The following GTF3C1 variants were observed in gnomAD, a reference collection of about 807,000 sequenced individuals.
GTF3C1 encodes the protein general transcription factor IIIC subunit 1.
A neutral mutation model predicts 226.7 loss-of-function variants in GTF3C1; 57 were observed. That is an observed-to-expected ratio of 0.25 (90% CI 0.20 to 0.31). GTF3C1 has a LOEUF of 0.31. GTF3C1 is among the 10% of genes least tolerant of loss of function. The pLI is 1.00. For missense variants in GTF3C1, 2,217 were observed against 2,776.1 expected (o/e 0.80, Z 4.53); for synonymous variants, 1,090 against 1,084.8 (o/e 1.00, Z -0.09).
chr16:27,461,831 G>A lies in GTF3C1; in HGVS notation c.6118-269C>T, dbSNP rs1042005994. ...CATTTGTGGAGGAGAGGCCTGCAGC[G>A]CGGGATAAATCCCAGCTTCCTGTGA... On this transcript the variant is annotated intron_variant, in intron 36 of 36. Transcript: ENST00000356183. This position sits in a 1 kb window ranked among gnomAD's most constrained non-coding sequence, Gnocchi z 5.3. The A allele has an allele frequency of 4.5e-5, 22 of 487,320 alleles. No homozygotes were observed. Among genetic ancestry groups the A allele is most frequent in the African/African-American group, 2.7e-4 (14 of 52,426 alleles). The allele number at this position is 487,320 out of a possible 1,614,324, so 30.2% of individuals were successfully genotyped here.
chr16:27,512,698 G>T (rs144221130), intron 6 of GTF3C1, among the ~76,000 whole-genome samples: 2 of 152,136 alleles, frequency 1.3e-5, no homozygotes, highest in Non-Finnish European at 2.9e-5. Context: ...TTGTGCCTAC[G>T]GCTATAACGA....
intron 32 of GTF3C1, among the ~76,000 whole-genome samples, chr16:27,467,095 A>G (rs1189841777): frequency 1.3e-5 from 2 of 152,248 alleles, no homozygotes; most frequent in South Asian, 2.1e-4. Flanking sequence ...CAGATTTTCA[A>G]TGTGCACAAA....
At position 27,484,400 on chromosome 16, in the gene GTF3C1, C is replaced by T. The variant is rs377066422; in HGVS notation, c.3859-47G>A. On this transcript the variant is annotated intron_variant, in intron 24 of 36. Coordinates refer to ENST00000356183, the MANE Select transcript of GTF3C1 (RefSeq NM_001520.4). Reference sequence around the variant, plus strand: ...GACAAAAAGTCAGTATCCTCAGAGACGACATCATGGGGAATTACCATAAAA... The same window carrying T: ...GACAAAAAGTCAGTATCCTCAGAGATGACATCATGGGGAATTACCATAAAA... The T allele has an allele frequency of 3.0e-4, 418 of 1,396,336 alleles. 1 individual carries two copies. Among genetic ancestry groups the T allele is most frequent in the East Asian group, 6.2e-4 (27 of 43,244 alleles). The allele number at this position is 1,396,336 out of a possible 1,614,324, so 86.5% of individuals were successfully genotyped here.
intron 9 of GTF3C1, 127 bp downstream of exon 9, chr16:27,506,720 G>C: frequency 1.6e-6 from 1 of 625,954 alleles, no homozygotes; most frequent in Non-Finnish European, 2.8e-6. Flanking sequence ...ACAAGTGACA[G>C]TGTCAGGCCT....
rs112439532 is a variant in GTF3C1 at position 27,528,168 on chromosome 16, A to G, written c.973+430T>C. Among the ~76,000 whole-genome samples the G allele has an allele frequency of 3.2e-4, 48 of 152,296 alleles. 1 individual carries two copies. Among genetic ancestry groups the G allele is most frequent in the African/African-American group, 8.7e-4 (36 of 41,576 alleles). The stretch of plus-strand genomic sequence containing the variant: ...CGGGCACCTGCAGTTTCAGCTACTC[A>G]GGAGGTTGAGGCAGGAGAATTGCTT... On this transcript the variant is annotated intron_variant, in intron 6 of 36. Transcript: ENST00000356183.
intron 23 of GTF3C1, 122 bp downstream of exon 23, chr16:27,488,105 C>A: frequency 3.8e-6 from 3 of 783,202 alleles, no homozygotes; most frequent in Non-Finnish European, 6.3e-6. Flanking sequence ...CGCCACACAT[C>A]GAGGGAAGGC....
chr16:27,481,799 C>T (rs1431129475), intron 26 of GTF3C1, among the ~76,000 whole-genome samples: 1 of 152,238 alleles, frequency 6.6e-6, no homozygotes, highest in Non-Finnish European at 1.5e-5. Flanking sequence ...AGCCCCACGG[C>T]TCCCTCTCCC....
Position 27,492,227 on chromosome 16 carries a change from G to A in GTF3C1, c.3151+111C>T, listed in dbSNP as rs1567395595. ...TGCTCTGGGCCTCTGGGGAGCACTC[G>A]GAACATACCACTGGTTGAGGCAACT... On this transcript the variant is annotated intron_variant, in intron 19 of 36. Coordinates refer to ENST00000356183, the MANE Select transcript of GTF3C1 (RefSeq NM_001520.4). The surrounding 1 kb of genome is among the most constrained non-coding windows in gnomAD (Gnocchi z 5.0). 11 of 694,396 alleles carry A rather than the reference G, an allele frequency of 1.6e-5. No individual in the cohort carries two copies. The highest frequency in any genetic ancestry group is 5.1e-5 in the East Asian group (2 of 39,526). 43.0% of individuals were successfully genotyped at this position (694,396 alleles called of 1,614,324 possible).
Position 27,464,815 on chromosome 16 carries a change from C to A in GTF3C1, c.5377G>T (p.Val1793Leu). 1 of 1,517,758 alleles carries A rather than the reference C, an allele frequency of 6.6e-7. No homozygotes were observed. Among genetic ancestry groups the A allele is most frequent in the Non-Finnish European group, 8.8e-7 (1 of 1,142,746 alleles). 94.0% of individuals were successfully genotyped at this position (1,517,758 alleles called of 1,614,324 possible). A position where few individuals can be genotyped will look rare whatever the true frequency, so the allele number is the denominator to read the frequency against. Residue 1793 changes from valine (V) to leucine (L), a missense_variant, in exon 34 of 37, where the codon GTG (valine) becomes TTG (leucine). By Grantham distance (32) the Val-to-Leu change is conservative. Coordinates refer to ENST00000356183, the MANE Select transcript of GTF3C1 (RefSeq NM_001520.4). ...GCAGTGTTGCCACCGACCTCCAGCA[C>A]CTGATGCTGCTCCAGGAGGGCCTGG... ...CIQALLEQHQVLEVGGNTARL... is the reference protein window; with the variant it reads ...CIQALLEQHQLLEVGGNTARL...
chr16:27,510,414 G>A (rs554273374), intron 7 of GTF3C1, among the ~76,000 whole-genome samples: 4 of 151,600 alleles, frequency 2.6e-5, no homozygotes, highest in Admixed American at 2.0e-4. Flanking sequence ...AAAATTAGCC[G>A]GGCACAGTGG....
chr16:27,512,043 T>A, intron 6 of GTF3C1, 142 bp from the exon 7 acceptor site: 1 of 875,666 alleles, frequency 1.1e-6, no homozygotes, highest in Non-Finnish European at 1.7e-6. Flanking sequence ...TGTCTGGACT[T>A]TTAAAAATGG....
intron 2 of GTF3C1, among the ~76,000 whole-genome samples, chr16:27,542,663 T>C (rs555513947): frequency 2.6e-4 from 40 of 152,160 alleles, no homozygotes; most frequent in Admixed American, 1.8e-3. Flanking sequence ...CCCTCATAAA[T>C]AGATTAATGC....
intron 27 of GTF3C1, among the ~76,000 whole-genome samples, chr16:27,479,849 T>C (rs1056548761): frequency 6.6e-6 from 1 of 152,314 alleles, no homozygotes; most frequent in Middle Eastern, 3.4e-3. Flanking sequence ...CTTGCAACTT[T>C]TTCTTCTCTC....
chr16:27,502,663 A>G (rs1175540096), intron 11 of GTF3C1, among the ~76,000 whole-genome samples, 196 bp downstream of exon 11: 1 of 151,816 alleles, frequency 6.6e-6, no homozygotes, highest in Non-Finnish European at 1.5e-5. Context: ...TTTGAGGAGG[A>G]GATACTCCTC....
intron 11 of GTF3C1, 37 bp from the exon 12 acceptor site, chr16:27,501,381 C>A (rs1321773341): frequency 6.2e-7 from 1 of 1,601,744 alleles, no homozygotes; most frequent in Non-Finnish European, 8.5e-7. Context: ...CACTCCCAAT[C>A]TCAACATGGA....
At position 27,528,572 on chromosome 16, in the gene GTF3C1, G is replaced by A. The variant is rs553821636; in HGVS notation, c.973+26C>T. The A allele has an allele frequency of 5.0e-5, 79 of 1,591,878 alleles. No individual in the cohort carries two copies. The South Asian group carries it at 8.7e-4, about 18-fold the overall frequency. On this transcript the variant is annotated intron_variant, in intron 6 of 36. Coordinates refer to ENST00000356183, the MANE Select transcript of GTF3C1 (RefSeq NM_001520.4). ...AGAAGTGAGAGCCAGCCAGCCAAGG[G>A]AACAGAAGCTGAGACTCTGCATTAC...
rs1444123091 is a variant in GTF3C1, at chr16:27,465,470, G to A, written c.5145C>T (p.Pro1715=). ...CCTCCAAGCTGCAGGTGTTTTCCTG[G>A]GGGTTTATCAGCTTGGTGAACGTAT... ...LPDTFTKLIN[P]QENTCSLEEF... Residue 1715 remains proline (P), a synonymous_variant, in exon 33 of 37, where the codon CCC becomes CCT. Transcript: ENST00000356183. 3.7e-6 allele frequency: 6 copies of A among 1,610,324 alleles called. No homozygotes were observed. In the South Asian group the frequency reaches 6.6e-5, roughly 18 times the overall value.
intron 4 of GTF3C1, among the ~76,000 whole-genome samples, chr16:27,535,836 G>A (rs1322931526): frequency 2.0e-5 from 3 of 151,248 alleles, no homozygotes; most frequent in East Asian, 1.9e-4. Context: ...CAACAAGAGC[G>A]AAACTCCGTC....
At chr16:27,505,064 A>C (rs1274420362) in intron 10 of GTF3C1, among the ~76,000 whole-genome samples, 1 of 152,174 alleles carries the variant, frequency 6.6e-6, no homozygotes, top group African/African-American at 2.4e-5. Flanking sequence ...AGGGGGTGGC[A>C]CTGGCAGTGT....
Sources: gnomAD v4.1 joint callset for allele counts (sites outside exome capture counted in the v4.1 genomes callset) on GRCh38, gnomAD v4.1.1 for gene constraint, Gnocchi (gnomAD v3.1) non-coding constraint, MANE v1.5 for transcripts, NCBI Gene and HGNC (gene_info 2026-07-23, HGNC 2026-07-21) for gene names.